The following KRT6C variants were observed in gnomAD, a reference collection of about 807,000 sequenced individuals.
KRT6C encodes keratin, type II cytoskeletal 6C.
Under a neutral mutation model 49.4 loss-of-function variants are expected in KRT6C, and 46 were observed. The ratio of observed to expected loss-of-function variants is 0.93; its 90% CI spans 0.74 to 1.19. KRT6C has a LOEUF of 1.19. Among genes scored for constraint, KRT6C ranks in the 50% most tolerant of loss-of-function variants. The pLI, the probability that KRT6C is intolerant of heterozygous loss-of-function variation, is 0.00. For synonymous variants in KRT6C, 236 were observed against 297.1 expected, an observed-to-expected ratio of 0.79 and a Z score of 2.12; for missense variants, 552 against 737.5, an observed-to-expected ratio of 0.75 and a Z score of 2.91.
intron 8 of KRT6C, 38 bp from the exon 9 acceptor site, chr12:52,469,335 G>A (rs1440517516): frequency 2.5e-6 from 4 of 1,614,036 alleles, no homozygotes; most frequent in Admixed American, 1.7e-5. Context: ...AGAAGCCACG[G>A]TGAGCTCATC....
At chr12:52,470,701 G>A (rs1937862446) in intron 5 of KRT6C, 71 bp from the exon 6 acceptor site, 1 of 1,612,162 alleles carries the variant, frequency 6.2e-7, no homozygotes. Context: ...TTTCACTTGT[G>A]TATCATGCAT....
rs754657324 is a variant in KRT6C, at chr12:52,470,542, T to A, written c.1166A>T (p.Gln389Leu). The A allele has an allele frequency of 1.3e-5, 21 of 1,614,062 alleles. No individual in the cohort carries two copies. Among genetic ancestry groups the A allele is most frequent in the Non-Finnish European group, 1.8e-5 (21 of 1,180,040 alleles). The change falls in exon 6 of 9, where the codon CAG becomes CTG. Residue 389 changes from glutamine (Q) to leucine (L), a missense_variant. By Grantham distance (113) the Gln-to-Leu change is moderately radical. Coordinates refer to ENST00000252250, the MANE Select transcript of KRT6C (RefSeq NM_173086.5). ...ATGGTCGATCTCAGATCTCAGCCTC[T>A]GGATCATGCGGTTGATCTCAGCAAT... is the stretch of plus-strand genomic sequence containing the variant. ...QEIAEINRMI[Q>L]RLRSEIDHVK... is the part of the protein sequence containing the mutation.
intron 1 of KRT6C, 46 bp from the exon 2 acceptor site, chr12:52,472,326 A>C: frequency 7.2e-7 from 1 of 1,381,808 alleles, no homozygotes; most frequent in Non-Finnish European, 1.0e-6. Context: ...AGGAAGGAAG[A>C]AAAAGTGTCT....
In KRT6C at chr12:52,471,428, T is replaced by C. The variant is rs560818992; in HGVS notation, c.905A>G (p.Tyr302Cys). Residue 302 changes from tyrosine to cysteine, a missense_variant, in exon 4 of 9, where the codon TAT becomes TGT. Transcript: ENST00000252250. ...GATGGTGGAGATGCTTACTGCATCA[T>C]ACAAGGCTCTCAGGAAGTTGATCTC... ...TDEINFLRAL[Y>C]DAELSQMQTH... 4 of 1,613,996 alleles carry C rather than the reference T, an allele frequency of 2.5e-6. No homozygotes were observed. The East Asian group carries it at 8.9e-5, about 36-fold the overall frequency.
In KRT6C at chr12:52,473,110, TC is replaced by T; in HGVS notation, c.540+87del. 4 of 1,366,196 alleles carry T rather than the reference TC, an allele frequency of 2.9e-6. 1 individual carries two copies. The highest frequency in any genetic ancestry group is 4.1e-6 in the Non-Finnish European group (4 of 982,188). The allele number at this position is 1,366,196 out of a possible 1,614,324, so 84.6% of individuals were successfully genotyped here. On this transcript the variant is annotated intron_variant, in intron 1 of 8. Transcript: ENST00000252250. ...GAGCTGGGCTGAATCCCCTTCTCCC[TC>T]CCTCCTAGGTCTCCCTAGCAGGAAG...
Position 52,468,769 on chromosome 12 carries a change from C to T in KRT6C, c.*293G>A, listed in dbSNP as rs899729237. The T allele has an allele frequency of 8.5e-6, 4 of 471,170 alleles. No individual in the cohort carries two copies. Among genetic ancestry groups the T allele is most frequent in the African/African-American group, 5.8e-5 (3 of 51,904 alleles). 29.2% of individuals were successfully genotyped at this position (471,170 alleles called of 1,614,324 possible). A position where few individuals can be genotyped will look rare whatever the true frequency, so the allele number is the denominator to read the frequency against. ...GAGATCATTTTCTTATAATGCTCAG[C>T]CTCAGAGAGAACAATTTTGGAGGCA... On this transcript the variant is annotated 3_prime_UTR_variant, in exon 9 of 9. Transcript: ENST00000252250.
rs759759029 is a variant in KRT6C, at chr12:52,471,490, C to T, written c.843G>A (p.Lys281=). ...TGTCTGCCTTGGCTTGCAGTTCAAC[C>T]TTGTTCATGTAGGCAGCATCCACAT... is the stretch of plus-strand genomic sequence containing the variant. ...KKDVDAAYMN[K]VELQAKADTL... is the part of the protein sequence containing the mutation. The change falls in exon 4 of 9, where the codon AAG becomes AAA. Residue 281 remains lysine (K), a synonymous_variant. Coordinates refer to ENST00000252250, the MANE Select transcript of KRT6C (RefSeq NM_173086.5). 6.2e-7 allele frequency: 1 copy of T among 1,613,580 alleles called. No homozygotes were observed. Among genetic ancestry groups the T allele is most frequent in the Non-Finnish European group, 8.5e-7 (1 of 1,179,840 alleles).
In KRT6C at chr12:52,473,757, G is replaced by T; in HGVS notation, c.-20C>A. On this transcript the variant is annotated 5_prime_UTR_variant, in exon 1 of 9. Coordinates refer to ENST00000252250, the MANE Select transcript of KRT6C (RefSeq NM_173086.5). ...GGCCATGGTTCCAGGAGATGAGAGGGCTGTGGCGAGCGTTGGAGGCTGGAG... is the reference window on the plus strand; with the variant it reads ...GGCCATGGTTCCAGGAGATGAGAGGTCTGTGGCGAGCGTTGGAGGCTGGAG... 2.5e-6 allele frequency: 4 copies of T among 1,614,150 alleles called. No homozygotes were observed. The highest frequency in any genetic ancestry group is 3.4e-6 in the Non-Finnish European group (4 of 1,180,050).
Position 52,468,633 on chromosome 12 carries a change from G to A in KRT6C, c.*429C>T, listed in dbSNP as rs565488743. On this transcript the variant is annotated 3_prime_UTR_variant, in exon 9 of 9. Coordinates refer to ENST00000252250, the MANE Select transcript of KRT6C (RefSeq NM_173086.5). ...TCACTTGTGCTTCCATGCATACTGC[G>A]GGGCGGGGGTTCACAATACTTTTAA... is the stretch of plus-strand genomic sequence containing the variant. The A allele has an allele frequency of 2.1e-4, 50 of 241,996 alleles. No individual in the cohort carries two copies. Among genetic ancestry groups the A allele is most frequent in the Admixed American group, 2.0e-4 (4 of 19,596 alleles). The allele number at this position is 241,996 out of a possible 1,614,324, so 15.0% of individuals were successfully genotyped here.
rs1937836272 is a variant in KRT6C, at chr12:52,469,614, G to T, written c.1424+56C>A. On this transcript the variant is annotated intron_variant, in intron 7 of 8. Coordinates refer to ENST00000252250, the MANE Select transcript of KRT6C (RefSeq NM_173086.5). ...AGTGCACCCTAGAATTGTGCTCAGT[G>T]CCAGGAACCTTGAAGATGGACTCAG... 5.0e-6 allele frequency: 8 copies of T among 1,613,960 alleles called. No individual in the cohort carries two copies. In the East Asian group the frequency reaches 1.8e-4, roughly 36 times the overall value.
chr12:52,468,516 T>C lies in KRT6C; in HGVS notation c.*546A>G, dbSNP rs1937810630. The C allele has an allele frequency of 6.2e-6, 1 of 160,664 alleles. No individual in the cohort carries two copies. Among genetic ancestry groups the C allele is most frequent in the South Asian group, 1.7e-4 (1 of 5,940 alleles). The allele number at this position is 160,664 out of a possible 1,614,324, so 10.0% of individuals were successfully genotyped here. ...GCTGAAGAAATATTGGTACCATGCA[T>C]TATTCTAAAACCTGCTTTATTTAGA... On this transcript the variant is annotated 3_prime_UTR_variant, in exon 9 of 9. Transcript: ENST00000252250.
intron 5 of KRT6C, 39 bp from the exon 6 acceptor site, chr12:52,470,669 G>A: frequency 2.5e-6 from 4 of 1,613,716 alleles, no homozygotes; most frequent in African/African-American, 1.3e-5. Flanking sequence ...GTGTCTACGG[G>A]TTCTTACCTG....
chr12:52,471,391 A>T lies in KRT6C; in HGVS notation c.912+30T>A. 1.9e-6 allele frequency: 3 copies of T among 1,614,088 alleles called. No individual in the cohort carries two copies. The Middle Eastern group carries it at 5.0e-4, about 266-fold the overall frequency. ...TTCTCCCCTTTGCAGACCCCATCAG[A>T]GTAAACAGAAGGATGGTGGAGATGC... On this transcript the variant is annotated intron_variant, in intron 4 of 8. Coordinates refer to ENST00000252250, the MANE Select transcript of KRT6C (RefSeq NM_173086.5).
Position 52,469,265 on chromosome 12 carries a change from C to A in KRT6C, c.1492G>T (p.Gly498Cys). The A allele has an allele frequency of 6.2e-7, 1 of 1,614,012 alleles. No homozygotes were observed. Among genetic ancestry groups the A allele is most frequent in the Non-Finnish European group, 8.5e-7 (1 of 1,179,882 alleles). ...CCACTGCCGACACCGCTGGCACCGCCATAGCCACTGGAGATGGTGGACTGT... is the reference window on the plus strand; with the variant it reads ...CCACTGCCGACACCGCTGGCACCGCAATAGCCACTGGAGATGGTGGACTGT... Reference protein sequence around the residue: ...VVQSTISSGYGGASGVGSGLG... With the variant: ...VVQSTISSGYCGASGVGSGLG... The change falls in exon 9 of 9, where the codon GGC becomes TGC. Residue 498 changes from glycine to cysteine, a missense_variant. Physicochemically the swap from Gly to Cys is radical, Grantham distance 159 (BLOSUM62 -3). Coordinates refer to ENST00000252250, the MANE Select transcript of KRT6C (RefSeq NM_173086.5).
At position 52,469,655 on chromosome 12, in the gene KRT6C, G is replaced by A. The variant is rs539175236; in HGVS notation, c.1424+15C>T. ...ATGGACTCAGCTGTTGGAGGAAGTC[G>A]CGTCAGTTACCTACCTGCACTCCTC... On this transcript the variant is annotated intron_variant, in intron 7 of 8. Transcript: ENST00000252250. 9 of 1,614,158 alleles carry A rather than the reference G, an allele frequency of 5.6e-6. No homozygotes were observed. Among genetic ancestry groups the A allele is most frequent in the East Asian group, 2.2e-5 (1 of 44,874 alleles).
Position 52,468,808 on chromosome 12 carries a change from T to G in KRT6C, c.*254A>C. The stretch of plus-strand genomic sequence containing the variant: ...ATTTTGGAGGCAAGAAATTAATAAT[T>G]TAGTAACAAAGTGAAGCTCCATTGG... On this transcript the variant is annotated 3_prime_UTR_variant, in exon 9 of 9. Transcript: ENST00000252250. The G allele has an allele frequency of 5.6e-6, 3 of 537,878 alleles. No individual in the cohort carries two copies. The highest frequency in any genetic ancestry group is 2.7e-5 in the South Asian group (1 of 37,132). The allele number at this position is 537,878 out of a possible 1,614,324, so 33.3% of individuals were successfully genotyped here. A position where few individuals can be genotyped will look rare whatever the true frequency, so the allele number is the denominator to read the frequency against.
At chr12:52,470,929 G>A (rs1437835039) in intron 5 of KRT6C, among the ~76,000 whole-genome samples, 1 of 152,132 alleles carries the variant, frequency 6.6e-6, no homozygotes, top group African/African-American at 2.4e-5. Flanking sequence ...CTTGTCTATG[G>A]CAGCTTTCCT....
In KRT6C at chr12:52,469,737, T is replaced by C; in HGVS notation, c.1357A>G (p.Asn453Asp). The C allele has an allele frequency of 1.2e-6, 2 of 1,614,064 alleles. No individual in the cohort carries two copies. The highest frequency in any genetic ancestry group is 3.3e-5 in the Admixed American group (2 of 60,020). ...TCCACATCCAGGGCCAGCTTGACAT[T>C]CATCAGCTCCTGGTACTCCTTCAGC... ...RLLKEYQELM[N>D]VKLALDVEIA... The change falls in exon 7 of 9, where the codon AAT (asparagine) becomes GAT (aspartate). Residue 453 changes from asparagine (N) to aspartate (D), a missense_variant. Around this residue, in one of 3 missense-constraint regions of KRT6C, gnomAD observed 425 missense variants for 439.4 expected, o/e 0.97. Coordinates refer to ENST00000252250, the MANE Select transcript of KRT6C (RefSeq NM_173086.5).
At position 52,471,489 on chromosome 12, in the gene KRT6C, C is replaced by A. The variant is rs754041908; in HGVS notation, c.844G>T (p.Val282Phe). The change falls in exon 4 of 9, where the codon GTT (valine) becomes TTT (phenylalanine). Residue 282 changes from valine (V) to phenylalanine (F), a missense_variant. This residue lies in a region of KRT6C where 425 missense variants were observed against 439.4 expected (regional missense o/e 0.97). Transcript: ENST00000252250. ...GTGTCTGCCTTGGCTTGCAGTTCAA[C>A]CTTGTTCATGTAGGCAGCATCCACA... ...KDVDAAYMNK[V>F]ELQAKADTLT... 1.9e-6 allele frequency: 3 copies of A among 1,613,730 alleles called. No individual in the cohort carries two copies. Among genetic ancestry groups the A allele is most frequent in the Admixed American group, 3.3e-5 (2 of 59,990 alleles).
Sources: gnomAD v4.1 joint callset for allele counts (sites outside exome capture counted in the v4.1 genomes callset) on GRCh38, gnomAD v4.1.1 for gene constraint, gnomAD v4.1.1 regional missense constraint, MANE v1.5 for transcripts, NCBI Gene and HGNC (gene_info 2026-07-23, HGNC 2026-07-21) for gene names.